The following PINX1 variants were observed in gnomAD, a reference collection of about 807,000 sequenced individuals.
PINX1 encodes PIN2/TERF1-interacting telomerase inhibitor 1.
In PINX1, 34 loss-of-function variants were observed where a neutral mutation model predicts 25.4. The ratio of observed to expected loss-of-function variants is 1.34; its 90% CI spans 1.02 to 1.78. PINX1 has a LOEUF of 1.78. PINX1 is among the 40% of genes most tolerant of loss of function. PINX1 has a pLI of 0.00. For synonymous variants in PINX1, 197 were observed against 147.7 expected (o/e 1.33, Z -2.42); for missense variants, 592 against 404.9 (o/e 1.46, Z -3.97).
At chr8:10,810,746 C>T (rs970375541) in intron 6 of PINX1, among the ~76,000 whole-genome samples, 1 of 152,200 alleles carries the variant, frequency 6.6e-6, no homozygotes, top group Non-Finnish European at 1.5e-5. Flanking sequence ...CTGCAGAGAA[C>T]ATGGTATTAG....
intron 6 of PINX1, among the ~76,000 whole-genome samples, chr8:10,806,633 T>C (rs1802461310): frequency 6.6e-6 from 1 of 152,194 alleles, no homozygotes; most frequent in Non-Finnish European, 1.5e-5. Context: ...CTGAGCCTAA[T>C]GGCCCAACCA....
At chr8:10,818,753 G>A (rs1797776978) in intron 6 of PINX1, among the ~76,000 whole-genome samples, 1 of 152,138 alleles carries the variant, frequency 6.6e-6, no homozygotes, top group Non-Finnish European at 1.5e-5. Flanking sequence ...ATCGTGGGGT[G>A]GGGGCAGCTG....
intron 6 of PINX1, among the ~76,000 whole-genome samples, chr8:10,786,034 G>A (rs1215865695): frequency 1.3e-5 from 2 of 152,310 alleles, no homozygotes; most frequent in East Asian, 3.9e-4. Context: ...GTAAAAGGGA[G>A]GCAGTCACTT....
At chr8:10,815,439 A>G (rs1019225607) in intron 6 of PINX1, among the ~76,000 whole-genome samples, 4 of 152,244 alleles carry the variant, frequency 2.6e-5, no homozygotes, top group African/African-American at 9.6e-5. Flanking sequence ...TTGTTCCACT[A>G]CACAACACAA....
intron 6 of PINX1, among the ~76,000 whole-genome samples, chr8:10,788,294 G>T (rs1457569949): frequency 6.6e-6 from 1 of 152,190 alleles, no homozygotes; most frequent in Non-Finnish European, 1.5e-5. Context: ...AGACACAGTG[G>T]CTCACATCTG....
chr8:10,833,614 AACTGGGGTGCGG>A lies in PINX1; in HGVS notation c.130-642_130-631del, dbSNP rs1563240316. ...GTGCGGGAGGCTGGAGAAGAATGAC[AACTGGGGTGCGG>A]GAGGCTGGAGAAGAATGACGACTGG... On this transcript the variant is annotated intron_variant, in intron 2 of 6. Coordinates refer to ENST00000314787, the MANE Select transcript of PINX1 (RefSeq NM_017884.6). 43 of 33,828 alleles carry A rather than the reference AACTGGGGTGCGG, an allele frequency of 1.3e-3. 3 individuals are homozygous for A. The highest frequency in any genetic ancestry group is 6.0e-4 in the Non-Finnish European group (10 of 16,606). The allele number at this position is 33,828 out of a possible 1,614,324, so 2.1% of individuals were successfully genotyped here.
intron 5 of PINX1, among the ~76,000 whole-genome samples, chr8:10,823,631 C>G (rs955633594): frequency 6.6e-6 from 1 of 151,996 alleles, no homozygotes; most frequent in African/African-American, 2.4e-5. Context: ...ATTATAAACT[C>G]AGGACCAGGG....
At chr8:10,780,433 T>TG (rs1801549909) in intron 6 of PINX1, among the ~76,000 whole-genome samples, 1 of 152,204 alleles carries the variant, frequency 6.6e-6, no homozygotes, top group Non-Finnish European at 1.5e-5. Context: ...TAAAGGATGC[T>TG]GAATGCTTTT....
At chr8:10,800,131 T>C (rs945694436) in intron 6 of PINX1, among the ~76,000 whole-genome samples, 31 of 152,142 alleles carry the variant, frequency 2.0e-4, no homozygotes, top group Non-Finnish European at 7.4e-5. Flanking sequence ...GAAATAACAT[T>C]TTTTCTATCT....
intron 6 of PINX1, among the ~76,000 whole-genome samples, chr8:10,798,305 G>A (rs1276096495): frequency 6.6e-6 from 1 of 152,228 alleles, no homozygotes; most frequent in Non-Finnish European, 1.5e-5. Context: ...ACAGGCTCCA[G>A]CCTTGAGAAA....
At chr8:10,799,371 G>C (rs924780479) in intron 6 of PINX1, among the ~76,000 whole-genome samples, 5 of 152,128 alleles carry the variant, frequency 3.3e-5, no homozygotes, top group African/African-American at 1.2e-4. Flanking sequence ...AGTTCTCCTT[G>C]AGGCCCCGAG....
chr8:10,791,233 C>G (rs543370714), intron 6 of PINX1, among the ~76,000 whole-genome samples: 2 of 152,252 alleles, frequency 1.3e-5, no homozygotes, highest in South Asian at 4.2e-4. Flanking sequence ...TTTTTAGATC[C>G]TCAGCTTATT....
chr8:10,809,054 T>A (rs909820400), intron 6 of PINX1, among the ~76,000 whole-genome samples: 1 of 152,232 alleles, frequency 6.6e-6, no homozygotes, highest in Non-Finnish European at 1.5e-5. Flanking sequence ...TTTGACTGAT[T>A]AATTAGCCAA....
intron 6 of PINX1, among the ~76,000 whole-genome samples, chr8:10,803,733 C>T (rs910637389): frequency 1.3e-5 from 2 of 152,174 alleles, no homozygotes; most frequent in Non-Finnish European, 1.5e-5. Context: ...GTTCTACTTC[C>T]GTGGTACTAA....
intron 1 of PINX1, among the ~76,000 whole-genome samples, chr8:10,838,130 G>A (rs1441235557): frequency 6.6e-6 from 1 of 152,208 alleles, no homozygotes; most frequent in Non-Finnish European, 1.5e-5. Context: ...GCAGGTTGGA[G>A]TTCTTAGAAC....
rs190575763 is a variant in PINX1, at chr8:10,785,898, A to T, written c.472-19982T>A. 5.8e-4 allele frequency among the ~76,000 whole-genome samples: 88 copies of T among 152,342 alleles called. 1 individual carries two copies. The highest frequency in any genetic ancestry group is 2.1e-3 in the African/African-American group (86 of 41,572). ...TTTCTCTTTAGCTAGACAAGTGTTT[A>T]GGTTTGTTACCCTGAAAATCAAATT... On this transcript the variant is annotated intron_variant, in intron 6 of 6. Transcript: ENST00000314787.
intron 6 of PINX1, among the ~76,000 whole-genome samples, chr8:10,817,149 G>A (rs1294089309): frequency 1.3e-5 from 2 of 152,234 alleles, no homozygotes; most frequent in South Asian, 2.1e-4. Context: ...ATCAGCATCG[G>A]CACCTAACTA....
chr8:10,835,290 G>C (rs577831356), intron 1 of PINX1, among the ~76,000 whole-genome samples: 2 of 152,240 alleles, frequency 1.3e-5, no homozygotes, highest in Non-Finnish European at 2.9e-5. Context: ...ACCCCAACGA[G>C]TGTGGATAGT....
At chr8:10,772,250 G>A (rs1008760306) in intron 6 of PINX1, among the ~76,000 whole-genome samples, 2 of 152,262 alleles carry the variant, frequency 1.3e-5, no homozygotes, top group Non-Finnish European at 2.9e-5. Flanking sequence ...GTAGCAAGCT[G>A]TGAAGGCACA....
Sources: gnomAD v4.1 joint callset for allele counts (sites outside exome capture counted in the v4.1 genomes callset) on GRCh38, gnomAD v4.1.1 for gene constraint, MANE v1.5 for transcripts, NCBI Gene and HGNC (gene_info 2026-07-23, HGNC 2026-07-21) for gene names.